The following DTD1 variants were observed in gnomAD, a reference collection of about 807,000 sequenced individuals.
DTD1 encodes the protein D-aminoacyl-tRNA deacylase 1, also known as D-tyrosyl-tRNA deacylase 1 homolog.
Under a neutral mutation model 25.6 loss-of-function variants are expected in DTD1, and 13 were observed. That is an observed-to-expected ratio of 0.51 (90% CI 0.33 to 0.81). The LOEUF (loss-of-function observed/expected upper bound fraction) is 0.81, where lower values mean the gene tolerates loss of function less well. DTD1 is among the 30% of genes least tolerant of loss of function. The probability of loss-of-function intolerance (pLI) is 0.02; values close to 1 mark genes in which losing one functional copy is unlikely to be tolerated. For synonymous variants in DTD1, 110 were observed against 103.6 expected (o/e 1.06, Z -0.37); for missense variants, 193 against 266.4 (o/e 0.72, Z 1.92).
At chr20:18,681,706 C>T (rs2060997609) in intron 4 of DTD1, among the ~76,000 whole-genome samples, 1 of 152,118 alleles carries the variant, frequency 6.6e-6, no homozygotes, top group Non-Finnish European at 1.5e-5. Flanking sequence ...AACACACTTC[C>T]TCAGACAAAC....
intron 3 of DTD1, among the ~76,000 whole-genome samples, chr20:18,614,775 C>T (rs1462250342): frequency 1.3e-5 from 2 of 152,216 alleles, no homozygotes; most frequent in African/African-American, 4.8e-5. Context: ...AGCAAGCTCC[C>T]TAGGCTTGCA....
chr20:18,753,312 A>C (rs1042142121), intron 5 of DTD1, among the ~76,000 whole-genome samples: 1 of 152,140 alleles, frequency 6.6e-6, no homozygotes, highest in Admixed American at 6.6e-5. Context: ...TTTAAGTACT[A>C]TAAGATTGAC....
In DTD1 at chr20:18,615,077, G is replaced by A. The variant is rs1376638873; in HGVS notation, c.371-13050G>A. Among the ~76,000 whole-genome samples the A allele has an allele frequency of 3.9e-5, 6 of 152,192 alleles. No individual in the cohort carries two copies. In the East Asian group the frequency reaches 1.2e-3, roughly 29 times the overall value. ...TTGCAAGAGCAGGCATTCCAAGATG[G>A]GAATAGATGTGCTGATCCCTTCAGA... On this transcript the variant is annotated intron_variant, in intron 3 of 5. Transcript: ENST00000377452.
chr20:18,668,067 T>C (rs111540641), intron 4 of DTD1, among the ~76,000 whole-genome samples: 3 of 152,352 alleles, frequency 2.0e-5, no homozygotes, highest in African/African-American at 7.2e-5. Flanking sequence ...ATGCATTGCT[T>C]TTAACATAGC....
At chr20:18,719,634 G>C (rs75696586) in intron 4 of DTD1, among the ~76,000 whole-genome samples, 43 of 152,346 alleles carry the variant, frequency 2.8e-4, no homozygotes, top group Non-Finnish European at 5.7e-4. Context: ...GAGACTGCGA[G>C]GGGTGAGTCA....
At chr20:18,747,621 T>G (rs2122525793) in intron 5 of DTD1, among the ~76,000 whole-genome samples, 1 of 152,338 alleles carries the variant, frequency 6.6e-6, no homozygotes, top group South Asian at 2.1e-4. Context: ...CTTCCCAGCC[T>G]TAATGCTCAG....
chr20:18,692,916 C>G lies in DTD1; in HGVS notation c.478-51184C>G, dbSNP rs549814815. On this transcript the variant is annotated intron_variant, in intron 4 of 5. Coordinates refer to ENST00000377452, the MANE Select transcript of DTD1 (RefSeq NM_080820.6). Reference sequence around the variant, plus strand: ...TTTTTTTTTTTTTTTTTTTTTGAGACAGAGTCTTGCTCTGTCTCCCAGGCT... The same window carrying G: ...TTTTTTTTTTTTTTTTTTTTTGAGAGAGAGTCTTGCTCTGTCTCCCAGGCT... Among the ~76,000 whole-genome samples the G allele has an allele frequency of 1.8e-3, 178 of 99,684 alleles. 1 individual carries two copies. Among genetic ancestry groups the G allele is most frequent in the African/African-American group, 6.8e-3 (174 of 25,418 alleles). The allele number at this position is 99,684 out of a possible 152,430, so 65.4% of individuals were successfully genotyped here.
At chr20:18,701,380 G>T (rs2122459308) in intron 4 of DTD1, among the ~76,000 whole-genome samples, 1 of 152,346 alleles carries the variant, frequency 6.6e-6, no homozygotes, top group South Asian at 2.1e-4. Context: ...AATAGAAATG[G>T]TCTTCTTTAA....
intron 4 of DTD1, among the ~76,000 whole-genome samples, chr20:18,676,961 C>A (rs999702737): frequency 2.6e-5 from 4 of 152,106 alleles, no homozygotes; most frequent in African/African-American, 9.7e-5. Flanking sequence ...ACTTGCCGTG[C>A]GTTTCTCTTG....
At chr20:18,701,616 G>GTC (rs1450735881) in intron 4 of DTD1, among the ~76,000 whole-genome samples, 1 of 152,208 alleles carries the variant, frequency 6.6e-6, no homozygotes, top group Admixed American at 6.5e-5. Flanking sequence ...CACCCAGGGA[G>GTC]TCTGTCTGGC....
chr20:18,744,363 T>G, intron 5 of DTD1, 92 bp downstream of exon 5: 1 of 1,320,100 alleles, frequency 7.6e-7, no homozygotes, highest in East Asian at 2.5e-5. Flanking sequence ...AATTCATTCA[T>G]TTCACAGCGT....
In DTD1 at chr20:18,629,155, C is replaced by A. The variant is rs879615148; in HGVS notation, c.477+922C>A. Reference sequence around the variant, plus strand: ...GGGATTACAGGCGCCCACCACCATACCCTGCTAATTTTGTATTTTTAGTAG... The same window carrying A: ...GGGATTACAGGCGCCCACCACCATAACCTGCTAATTTTGTATTTTTAGTAG... On this transcript the variant is annotated intron_variant, in intron 4 of 5. Coordinates refer to ENST00000377452, the MANE Select transcript of DTD1 (RefSeq NM_080820.6). Among the ~76,000 whole-genome samples, 7 of 151,754 alleles carry A rather than the reference C, an allele frequency of 4.6e-5. No individual in the cohort carries two copies. In the South Asian group the frequency reaches 6.3e-4, roughly 14 times the overall value.
At chr20:18,607,255 G>A (rs1260696316) in intron 3 of DTD1, among the ~76,000 whole-genome samples, 4 of 151,940 alleles carry the variant, frequency 2.6e-5, no homozygotes, top group African/African-American at 4.8e-5. Context: ...TCTGCCTTCC[G>A]GGTTCAAACG....
At chr20:18,698,980 C>A (rs149664301) in intron 4 of DTD1, among the ~76,000 whole-genome samples, 2 of 152,246 alleles carry the variant, frequency 1.3e-5, no homozygotes, top group Non-Finnish European at 2.9e-5. Flanking sequence ...ACGTCTGTGT[C>A]CAAGGCAGGC....
intron 3 of DTD1, 117 bp downstream of exon 3, chr20:18,596,358 C>T: frequency 2.4e-6 from 2 of 842,294 alleles, no homozygotes; most frequent in Admixed American, 5.2e-5. Flanking sequence ...ATGCTTGTTA[C>T]TTACTTAGAA....
intron 3 of DTD1, among the ~76,000 whole-genome samples, chr20:18,602,875 A>T (rs2060641248): frequency 8.8e-6 from 1 of 114,266 alleles, no homozygotes; most frequent in African/African-American, 3.2e-5. Flanking sequence ...ACTAATGAGC[A>T]AAATCACCAG....
rs138809650 is a variant in DTD1 at position 18,592,843 on chromosome 20, C to T, written c.44-888C>T. Among the ~76,000 whole-genome samples the T allele has an allele frequency of 3.3e-3, 509 of 151,974 alleles. 6 individuals carry two copies. Among genetic ancestry groups the T allele is most frequent in the Admixed American group, 0.02 (302 of 15,266 alleles). On this transcript the variant is annotated intron_variant, in intron 1 of 5. Coordinates refer to ENST00000377452, the MANE Select transcript of DTD1 (RefSeq NM_080820.6). ...GATTACAGGCGCCCGCCACCATGCC[C>T]GGCTAATTTTTGTATTTTTATTAGA...
intron 4 of DTD1, among the ~76,000 whole-genome samples, chr20:18,651,708 C>T (rs1040587416): frequency 6.6e-6 from 1 of 152,192 alleles, no homozygotes; most frequent in African/African-American, 2.4e-5. Context: ...GTGGTCTGAG[C>T]ATCAAGACTT....
chr20:18,703,253 A>G (rs529674096), intron 4 of DTD1, among the ~76,000 whole-genome samples: 1 of 152,198 alleles, frequency 6.6e-6, no homozygotes, highest in Non-Finnish European at 1.5e-5. Flanking sequence ...TATGAGGACT[A>G]TTTACTGACC....
Sources: gnomAD v4.1 joint callset for allele counts (sites outside exome capture counted in the v4.1 genomes callset) on GRCh38, gnomAD v4.1.1 for gene constraint, MANE v1.5 for transcripts, NCBI Gene and HGNC (gene_info 2026-07-23, HGNC 2026-07-21) for gene names.